Variants in IKZF3 observed in about 807,000 individuals in gnomAD.
IKZF3 encodes the protein IKAROS family zinc finger 3.
IKZF3 carries 10 observed loss-of-function variants against 49.0 expected under a neutral mutation model. That is an observed-to-expected ratio of 0.20 (90% CI 0.13 to 0.35). The LOEUF (loss-of-function observed/expected upper bound fraction) is 0.35, where lower values mean the gene tolerates loss of function less well. Among genes scored for constraint, IKZF3 ranks in the 10% least tolerant of loss-of-function variants. IKZF3 has a pLI of 1.00. For missense variants in IKZF3, 498 were observed against 664.8 expected (o/e 0.75, Z 2.76); for synonymous variants, 209 against 228.2 (o/e 0.92, Z 0.76).
intron 1 of IKZF3, among the ~76,000 whole-genome samples, chr17:39,842,841 G>T (rs188486800): frequency 6.6e-5 from 10 of 152,270 alleles, no homozygotes; most frequent in African/African-American, 2.4e-4. Context: ...AAGCCTGTTC[G>T]ATATCACTGT....
intron 1 of IKZF3, among the ~76,000 whole-genome samples, chr17:39,851,514 T>C (rs2062875216): frequency 6.6e-6 from 1 of 152,032 alleles, no homozygotes; most frequent in East Asian, 1.9e-4. Context: ...ATATAACAAC[T>C]TGGATGGATC....
chr17:39,834,999 C>T (rs1028100334), intron 1 of IKZF3: 3 of 407,846 alleles, frequency 7.4e-6, no homozygotes, highest in Non-Finnish European at 9.5e-6. Context: ...GGGACACCAG[C>T]TTCCCATCGT....
intron 1 of IKZF3, among the ~76,000 whole-genome samples, chr17:39,863,472 A>ATTTAC (rs2063271166): frequency 6.6e-6 from 1 of 152,196 alleles, no homozygotes; most frequent in Non-Finnish European, 1.5e-5. Context: ...ACTTGTTGAA[A>ATTTAC]AGACCATTGA....
rs548772377 is a variant in IKZF3, at chr17:39,797,080, G to A, written c.164-4147C>T. On this transcript the variant is annotated intron_variant, in intron 3 of 7. Transcript: ENST00000346872. ...CTCAAGAGGCTGAGGCAGGAGAATC[G>A]CTTGAACCTGGGAAGTGGAGGTTGC... Among the ~76,000 whole-genome samples the A allele has an allele frequency of 2.9e-3, 434 of 151,380 alleles. 1 individual carries two copies. Among genetic ancestry groups the A allele is most frequent in the African/African-American group, 3.6e-3 (148 of 41,304 alleles).
intron 1 of IKZF3, among the ~76,000 whole-genome samples, chr17:39,858,960 C>A (rs1184656247): frequency 6.6e-6 from 1 of 151,748 alleles, no homozygotes; most frequent in Non-Finnish European, 1.5e-5. Flanking sequence ...CCACACCAGG[C>A]CAATTTACTT....
chr17:39,805,053 G>T (rs2061403895), intron 3 of IKZF3, among the ~76,000 whole-genome samples: 1 of 152,086 alleles, frequency 6.6e-6, no homozygotes, highest in South Asian at 2.1e-4. Flanking sequence ...TTGCAAACAA[G>T]CTCCTTATCT....
chr17:39,770,673 G>A (rs766681594), intron 7 of IKZF3, among the ~76,000 whole-genome samples: 3 of 151,706 alleles, frequency 2.0e-5, no homozygotes, highest in Non-Finnish European at 4.4e-5. Flanking sequence ...ATATTTCACA[G>A]TACCTTGCAC....
At chr17:39,822,282 C>A (rs868216919) in intron 3 of IKZF3, among the ~76,000 whole-genome samples, 21 of 152,166 alleles carry the variant, frequency 1.4e-4, no homozygotes, top group Middle Eastern at 6.3e-3. Context: ...CAAATCTCAT[C>A]TTGAATTGTA....
chr17:39,805,254 G>A (rs573234019), intron 3 of IKZF3, among the ~76,000 whole-genome samples: 4 of 152,346 alleles, frequency 2.6e-5, no homozygotes, highest in South Asian at 2.1e-4. Context: ...AAAGGAAAGC[G>A]TGAACAACTA....
chr17:39,775,480 T>C (rs2060555392), intron 7 of IKZF3, among the ~76,000 whole-genome samples: 1 of 152,230 alleles, frequency 6.6e-6, no homozygotes, highest in African/African-American at 2.4e-5. Flanking sequence ...AAACATGCTA[T>C]ATTTTTGAAC....
chr17:39,781,806 A>G (rs907233621), intron 6 of IKZF3, among the ~76,000 whole-genome samples: 2 of 152,202 alleles, frequency 1.3e-5, no homozygotes, highest in Non-Finnish European at 2.9e-5. Flanking sequence ...TTACCCACCA[A>G]ACTGGTCTTT....
intron 1 of IKZF3, among the ~76,000 whole-genome samples, chr17:39,850,761 T>TAC (rs373142198): frequency 1.6e-5 from 1 of 62,242 alleles, no homozygotes; most frequent in South Asian, 4.7e-4. Flanking sequence ...ATACTATATA[T>TAC]TATATATAAT....
At position 39,849,678 on chromosome 17, in the gene IKZF3, A is replaced by G. The variant is rs368151419; in HGVS notation, c.7+14442T>C. ...GGAAAAAAAACAAAACAAACAAACA[A>G]AAAAACGTGAATGACCAGAAAACCT... On this transcript the variant is annotated intron_variant, in intron 1 of 7. Transcript: ENST00000346872. Among the ~76,000 whole-genome samples the G allele has an allele frequency of 1.2e-4, 19 of 152,138 alleles. No individual in the cohort carries two copies. The South Asian group carries it at 2.3e-3, about 18-fold the overall frequency.
At chr17:39,819,446 G>A (rs910884121) in intron 3 of IKZF3, among the ~76,000 whole-genome samples, 2 of 152,176 alleles carry the variant, frequency 1.3e-5, no homozygotes, top group Admixed American at 6.5e-5. Flanking sequence ...GAAGTTGCAC[G>A]AAGCTGATAC....
chr17:39,765,541 C>T lies in IKZF3; in HGVS notation c.*249G>A. ...AGATAATGACCAAATACCTTTTTGG[C>T]TTTTAAATTCCATAAAATTCAAGTC... On this transcript the variant is annotated 3_prime_UTR_variant, in exon 8 of 8. Transcript: ENST00000346872. The T allele has an allele frequency of 2.3e-6, 1 of 439,770 alleles. No homozygotes were observed. Among genetic ancestry groups the T allele is most frequent in the South Asian group, 4.0e-5 (1 of 24,964 alleles). The allele number at this position is 439,770 out of a possible 1,614,324, so 27.2% of individuals were successfully genotyped here.
intron 3 of IKZF3, among the ~76,000 whole-genome samples, chr17:39,816,449 A>G (rs2061680126): frequency 6.6e-6 from 1 of 152,198 alleles, no homozygotes; most frequent in African/African-American, 2.4e-5. Context: ...CCCACTGCCT[A>G]TTTTTGTAAA....
chr17:39,820,808 C>T lies in IKZF3; in HGVS notation c.163+8579G>A, dbSNP rs115615406. ...CACCAGAAGGACCTGGTAATTAGAG[C>T]GTTGGACCTTTCAGCCCCACCCAGT... On this transcript the variant is annotated intron_variant, in intron 3 of 7. Transcript: ENST00000346872. Among the ~76,000 whole-genome samples, 1,149 of 152,194 alleles carry T rather than the reference C, an allele frequency of 7.5e-3. 12 individuals carry two copies. Among genetic ancestry groups the T allele is most frequent in the African/African-American group, 0.026 (1,096 of 41,506 alleles).
chr17:39,818,964 C>T (rs2061740691), intron 3 of IKZF3, among the ~76,000 whole-genome samples: 2 of 151,778 alleles, frequency 1.3e-5, no homozygotes, highest in South Asian at 4.1e-4. Context: ...ATCATATCTT[C>T]TCTATCAAGA....
chr17:39,802,599 C>G (rs563937529), intron 3 of IKZF3, among the ~76,000 whole-genome samples: 1 of 145,026 alleles, frequency 6.9e-6, no homozygotes, highest in Non-Finnish European at 1.5e-5. Flanking sequence ...AGAGCGAGAC[C>G]CTGTCTCAAA....
Sources: gnomAD v4.1 joint callset for allele counts (sites outside exome capture counted in the v4.1 genomes callset) on GRCh38, gnomAD v4.1.1 for gene constraint, MANE v1.5 for transcripts, NCBI Gene and HGNC (gene_info 2026-07-23, HGNC 2026-07-21) for gene names.